The following DLG2 variants were observed in gnomAD, a reference collection of about 807,000 sequenced individuals.
DLG2 encodes the protein disks large homolog 2.
DLG2 carries 45 observed loss-of-function variants against 132.5 expected under a neutral mutation model. The ratio of observed to expected loss-of-function variants is 0.34; its 90% CI spans 0.27 to 0.44. The LOEUF is 0.44. DLG2 is among the 20% of genes least tolerant of loss of function. The pLI is 1.00. For missense variants in DLG2, 1,045 were observed against 1,196.9 expected, an observed-to-expected ratio of 0.87 and a Z score of 1.87; for synonymous variants, 424 against 419.6, an observed-to-expected ratio of 1.01 and a Z score of -0.13.
At chr11:84,419,481 A>G (rs1023021777) in intron 7 of DLG2, among the ~76,000 whole-genome samples, 1 of 152,200 alleles carries the variant, frequency 6.6e-6, no homozygotes, top group Admixed American at 6.5e-5. Flanking sequence ...AACATCCTGA[A>G]CATACTGTCT....
At chr11:83,886,831 C>G (rs1158600733) in intron 15 of DLG2, among the ~76,000 whole-genome samples, 3 of 152,082 alleles carry the variant, frequency 2.0e-5, no homozygotes, top group Non-Finnish European at 4.4e-5. Flanking sequence ...AACTGAACAA[C>G]CTGCTCCTGA....
At chr11:84,310,941 G>A (rs932244058) in intron 7 of DLG2, among the ~76,000 whole-genome samples, 6 of 152,318 alleles carry the variant, frequency 3.9e-5, no homozygotes, top group Non-Finnish European at 8.8e-5. Flanking sequence ...TAAATATTTC[G>A]AACACAGTTG....
Position 83,782,955 on chromosome 11 carries a change from G to T in DLG2, c.1825+3735C>A, listed in dbSNP as rs557049615. 3.9e-5 allele frequency among the ~76,000 whole-genome samples: 6 copies of T among 152,156 alleles called. No homozygotes were observed. In the East Asian group the frequency reaches 9.7e-4, roughly 24 times the overall value. ...CAGCAACTTCACTAACTGGGTATAG[G>T]TAATTAAAGGTTTGACAATAATTAA... On this transcript the variant is annotated intron_variant, in intron 18 of 27. Transcript: ENST00000376104.
intron 3 of DLG2, among the ~76,000 whole-genome samples, chr11:85,482,851 C>T (rs952275438): frequency 6.6e-6 from 1 of 152,148 alleles, no homozygotes; most frequent in African/African-American, 2.4e-5. Context: ...CCAGTCTAGA[C>T]CTTACAGACT....
intron 9 of DLG2, among the ~76,000 whole-genome samples, chr11:84,152,803 T>C (rs534976944): frequency 1.0e-3 from 157 of 152,344 alleles, no homozygotes; most frequent in African/African-American, 3.7e-3. Flanking sequence ...TTTTTTTATC[T>C]AGCTTGCCAC....
intron 3 of DLG2, among the ~76,000 whole-genome samples, chr11:85,393,043 CATAGA>C (rs544141237): frequency 2.1e-4 from 32 of 152,118 alleles, no homozygotes; most frequent in Admixed American, 1.7e-3. Flanking sequence ...ACAGACAACC[CATAGA>C]ATAGGAGAAA....
intron 5 of DLG2, among the ~76,000 whole-genome samples, chr11:85,116,532 G>A (rs2073609760): frequency 6.6e-6 from 1 of 151,822 alleles, no homozygotes; most frequent in Admixed American, 6.6e-5. Context: ...ATACAGGTGT[G>A]TATTAAAAAA....
intron 21 of DLG2, among the ~76,000 whole-genome samples, chr11:83,507,890 G>A (rs1224807480): frequency 1.3e-5 from 2 of 150,194 alleles, no homozygotes; most frequent in African/African-American, 4.9e-5. Context: ...CAGCCAATCC[G>A]AGTCTCAAAA....
intron 7 of DLG2, among the ~76,000 whole-genome samples, chr11:84,514,483 T>C (rs2099266645): frequency 6.6e-6 from 1 of 151,912 alleles, no homozygotes; most frequent in South Asian, 2.1e-4. Context: ...AATGTAGTAC[T>C]TATATACAAT....
At chr11:85,102,083 C>T (rs893490830) in intron 6 of DLG2, among the ~76,000 whole-genome samples, 9 of 151,918 alleles carry the variant, frequency 5.9e-5, no homozygotes, top group Admixed American at 1.3e-4. Context: ...GCATCTTCCA[C>T]GATACAAAGC....
intron 3 of DLG2, among the ~76,000 whole-genome samples, chr11:85,305,136 C>G (rs1401469411): frequency 6.6e-6 from 1 of 152,196 alleles, no homozygotes; most frequent in Non-Finnish European, 1.5e-5. Flanking sequence ...TTTTGAGAAG[C>G]TTACAATCTA....
intron 6 of DLG2, among the ~76,000 whole-genome samples, chr11:84,746,289 A>G (rs1448557994): frequency 6.6e-6 from 1 of 151,944 alleles, no homozygotes; most frequent in Non-Finnish European, 1.5e-5. Flanking sequence ...CAGCCATTCT[A>G]TTTATTTCTT....
intron 3 of DLG2, among the ~76,000 whole-genome samples, chr11:85,293,301 G>A (rs145786551): frequency 2.0e-5 from 3 of 152,186 alleles, no homozygotes; most frequent in Middle Eastern, 3.4e-3. Flanking sequence ...GGTGGCTTAC[G>A]CCTGTAATCT....
At chr11:85,468,144 A>T (rs375854021) in intron 3 of DLG2, among the ~76,000 whole-genome samples, 1 of 151,368 alleles carries the variant, frequency 6.6e-6, no homozygotes. Flanking sequence ...TTTCTGTGGG[A>T]TCGATGGTGA....
chr11:84,710,106 A>G (rs1368856938), intron 6 of DLG2, among the ~76,000 whole-genome samples: 5 of 151,950 alleles, frequency 3.3e-5, no homozygotes, highest in African/African-American at 9.7e-5. Flanking sequence ...TGAATAGCGT[A>G]TAGATTAATT....
intron 19 of DLG2, among the ~76,000 whole-genome samples, chr11:83,556,375 TTTC>T (rs1383198495): frequency 6.1e-5 from 7 of 114,554 alleles, no homozygotes; most frequent in East Asian, 5.4e-4. Flanking sequence ...GTCCTTTTTC[TTTC>T]TTTTTTTTTT....
At chr11:85,287,291 C>T (rs2078619031) in intron 3 of DLG2, among the ~76,000 whole-genome samples, 2 of 151,708 alleles carry the variant, frequency 1.3e-5, no homozygotes, top group South Asian at 2.1e-4. Flanking sequence ...GAACAGTATC[C>T]AGATATGAAA....
chr11:84,858,811 A>G (rs1599959996), intron 6 of DLG2, among the ~76,000 whole-genome samples: 1 of 152,116 alleles, frequency 6.6e-6, no homozygotes, highest in East Asian at 2.0e-4. Context: ...AATAGTTTGT[A>G]CTTGTTTGTT....
chr11:85,537,337 C>T (rs1260776648), intron 3 of DLG2, among the ~76,000 whole-genome samples: 1 of 152,186 alleles, frequency 6.6e-6, no homozygotes, highest in African/African-American at 2.4e-5. Context: ...ACTTTCCAGG[C>T]TGTGGAACCT....
Sources: allele counts gnomAD v4.1 joint callset (sites outside exome capture counted in the v4.1 genomes callset), GRCh38; gene constraint gnomAD v4.1.1; transcripts MANE v1.5; gene names NCBI Gene and HGNC (gene_info 2026-07-23, HGNC 2026-07-21).